The following NCR3LG1 variants were observed in gnomAD, a reference collection of about 807,000 sequenced individuals.
NCR3LG1 encodes natural cytotoxicity triggering receptor 3 ligand 1.
A neutral mutation model predicts 34.8 loss-of-function variants in NCR3LG1; 35 were observed. That is an observed-to-expected ratio of 1.01 (90% CI 0.77 to 1.33). The LOEUF is 1.33. Among genes scored for constraint, NCR3LG1 ranks in the 40% most tolerant of loss-of-function variants. The pLI is 0.00. For synonymous variants in NCR3LG1, 173 were observed against 163.6 expected (o/e 1.06, Z -0.44); for missense variants, 452 against 423.3 (o/e 1.07, Z -0.60).
At position 17,373,678 on chromosome 11, in the gene NCR3LG1, AT is replaced by A; in HGVS notation, c.*1167del. 6.6e-6 allele frequency: 1 copy of A among 152,370 alleles called. No individual in the cohort carries two copies. The highest frequency in any genetic ancestry group is 1.9e-4 in the East Asian group (1 of 5,194). The allele number at this position is 152,370 out of a possible 1,614,324, so 9.4% of individuals were successfully genotyped here. On this transcript the variant is annotated 3_prime_UTR_variant, in exon 5 of 5. Coordinates refer to ENST00000338965, the MANE Select transcript of NCR3LG1 (RefSeq NM_001202439.3). The stretch of plus-strand genomic sequence containing the variant: ...TCGTTCCTCCCATAGCACAACCATG[AT>A]GGGCATCTCAGGAAAGACTTTAACT...
rs573568268 is a variant in NCR3LG1, at chr11:17,372,688, C to T, written c.*176C>T. The T allele has an allele frequency of 2.6e-4, 145 of 550,742 alleles. 4 individuals carry two copies. In the South Asian group the frequency reaches 3.3e-3, roughly 12 times the overall value. The allele number at this position is 550,742 out of a possible 1,614,324, so 34.1% of individuals were successfully genotyped here. ...GGGGTGATGTTATGTTGCTCTTAAA[C>T]TCTTAACTACTACAGAGAAACAGGT... On this transcript the variant is annotated 3_prime_UTR_variant, in exon 5 of 5. Coordinates refer to ENST00000338965, the MANE Select transcript of NCR3LG1 (RefSeq NM_001202439.3).
chr11:17,377,999 G>A (rs1469689047), downstream of NCR3LG1, among the ~76,000 whole-genome samples: 2 of 152,132 alleles, frequency 1.3e-5, no homozygotes, highest in African/African-American at 2.4e-5. Context: ...CCATGGATAG[G>A]GGATTCTATA....
chr11:17,364,820 A>G (rs1485064923), intron 2 of NCR3LG1, among the ~76,000 whole-genome samples: 2 of 152,176 alleles, frequency 1.3e-5, no homozygotes, highest in East Asian at 3.9e-4. Context: ...TGCTGGGATT[A>G]TAGGTATGAG....
intron 4 of NCR3LG1, among the ~76,000 whole-genome samples, chr11:17,369,938 T>A (rs1198702745): frequency 6.6e-6 from 1 of 152,164 alleles, no homozygotes; most frequent in African/African-American, 2.4e-5. Flanking sequence ...AAAATCAAAC[T>A]GCAGATAAGG....
rs568368631 is a variant in NCR3LG1 at position 17,372,020 on chromosome 11, A to G, written c.873A>G (p.Ser291=). Residue 291 remains serine, a synonymous_variant, in exon 5 of 5, where the codon TCA becomes TCG. Transcript: ENST00000338965. ...TCTTTTTCTAGATATGTAACAAATC[A>G]TCTTCAGCCTATACTCCTCTCAAGT... The part of the protein sequence containing the change: ...LIPWKKICNK[S]SSAYTPLKCI... 5 of 699,250 alleles carry G rather than the reference A, an allele frequency of 7.2e-6. No individual in the cohort carries two copies. The highest frequency in any genetic ancestry group is 2.8e-4 in the Middle Eastern group (1 of 3,584). The allele number at this position is 699,250 out of a possible 1,614,324, so 43.3% of individuals were successfully genotyped here. A position where few individuals can be genotyped will look rare whatever the true frequency, so the allele number is the denominator to read the frequency against.
intron 1 of NCR3LG1, 135 bp downstream of exon 1, chr11:17,352,174 CTCCTTT>C: frequency 4.3e-6 from 2 of 470,420 alleles, no homozygotes; most frequent in East Asian, 3.9e-5. Context: ...TCTATTTCTT[CTCCTTT>C]TTTTTTTTTT....
In NCR3LG1 at chr11:17,352,177, C is replaced by CTT. The variant is rs34454730; in HGVS notation, c.70+158_70+159dup. On this transcript the variant is annotated intron_variant, in intron 1 of 4. Transcript: ENST00000338965. Reference sequence around the variant, plus strand: ...TCTATTTTCTTTTCTATTTCTTCTCCTTTTTTTTTTTTTTTTTTTTTGAGA... The same window carrying CTT: ...TCTATTTTCTTTTCTATTTCTTCTCCTTTTTTTTTTTTTTTTTTTTTTTGAGA... The CTT allele has an allele frequency of 4.3e-3, 1,268 of 291,884 alleles. 1 individual carries two copies. The highest frequency in any genetic ancestry group is 7.6e-3 in the South Asian group (189 of 24,990). The allele number at this position is 291,884 out of a possible 1,614,324, so 18.1% of individuals were successfully genotyped here. A position where few individuals can be genotyped will look rare whatever the true frequency, so the allele number is the denominator to read the frequency against.
Position 17,372,047 on chromosome 11 carries a change from C to T in NCR3LG1, c.900C>T (p.Cys300=), listed in dbSNP as rs539677481. Residue 300 remains cysteine, a synonymous_variant, in exon 5 of 5, where the codon TGC becomes TGT. Transcript: ENST00000338965. The part of the protein sequence containing the change: ...KSSSAYTPLK[C]ILKHWNSFDT... ...CTTCAGCCTATACTCCTCTCAAGTGCATTCTGAAACACTGGAACTCCTTTG... is the reference window on the plus strand; with the variant it reads ...CTTCAGCCTATACTCCTCTCAAGTGTATTCTGAAACACTGGAACTCCTTTG... The T allele has an allele frequency of 6.3e-5, 44 of 702,668 alleles. No homozygotes were observed. The South Asian group carries it at 6.5e-4, about 10-fold the overall frequency. 43.5% of individuals were successfully genotyped at this position (702,668 alleles called of 1,614,324 possible).
Position 17,372,721 on chromosome 11 carries a change from C to T in NCR3LG1, c.*209C>T, listed in dbSNP as rs1388538467. 1 of 502,838 alleles carries T rather than the reference C, an allele frequency of 2.0e-6. No homozygotes were observed. The highest frequency in any genetic ancestry group is 3.5e-6 in the Non-Finnish European group (1 of 286,328). 31.1% of individuals were successfully genotyped at this position (502,838 alleles called of 1,614,324 possible). A position where few individuals can be genotyped will look rare whatever the true frequency, so the allele number is the denominator to read the frequency against. ...TACTACAGAGAAACAGGTAGCCCTG[C>T]AGGCAGCAGAAAAATTCAGAGATGA... On this transcript the variant is annotated 3_prime_UTR_variant, in exon 5 of 5. Coordinates refer to ENST00000338965, the MANE Select transcript of NCR3LG1 (RefSeq NM_001202439.3).
At chr11:17,360,353 C>G (rs940187785) in intron 2 of NCR3LG1, among the ~76,000 whole-genome samples, 1 of 152,178 alleles carries the variant, frequency 6.6e-6, no homozygotes, top group Admixed American at 6.5e-5. Flanking sequence ...TTTTCATTCT[C>G]TTAACAATGT....
downstream of NCR3LG1, among the ~76,000 whole-genome samples, chr11:17,377,831 C>A (rs1953491069): frequency 1.3e-5 from 2 of 152,200 alleles, no homozygotes; most frequent in Admixed American, 6.5e-5. Flanking sequence ...ATGGCAGCAT[C>A]ATCTGGGGAC....
In NCR3LG1 at chr11:17,356,831, A is replaced by G; in HGVS notation, c.251A>G (p.Asp84Gly). The G allele has an allele frequency of 6.5e-7, 1 of 1,536,116 alleles. No individual in the cohort carries two copies. The highest frequency in any genetic ancestry group is 8.7e-7 in the Non-Finnish European group (1 of 1,146,900). ...GTCAAAGTCTTTGAATTTTTTGGAG[A>G]TCACCAAGAGGCATTCCGACCTGGA... ...KEVKVFEFFGDHQEAFRPGAI... is the reference protein window; with the variant it reads ...KEVKVFEFFGGHQEAFRPGAI... Residue 84 changes from aspartate (D) to glycine (G), a missense_variant, in exon 2 of 5, where the codon GAT becomes GGT. Asp to Gly is a moderately conservative substitution (Grantham distance 94). Coordinates refer to ENST00000338965, the MANE Select transcript of NCR3LG1 (RefSeq NM_001202439.3).
In NCR3LG1 at chr11:17,356,849, G is replaced by A. The variant is rs1274114898; in HGVS notation, c.269G>A (p.Arg90Gln). Residue 90 changes from arginine (R) to glutamine (Q), a missense_variant, in exon 2 of 5, where the codon CGA becomes CAA. Coordinates refer to ENST00000338965, the MANE Select transcript of NCR3LG1 (RefSeq NM_001202439.3). ...EFFGDHQEAF[R>Q]PGAIVSPWRL... ...TTTGGAGATCACCAAGAGGCATTCC[G>A]ACCTGGAGCCATTGTGTCTCCATGG... The A allele has an allele frequency of 5.2e-6, 8 of 1,536,026 alleles. No homozygotes were observed. In the African/African-American group the frequency reaches 8.2e-5, roughly 16 times the overall value.
At chr11:17,377,803 T>C (rs1953490812), downstream of NCR3LG1, among the ~76,000 whole-genome samples, 1 of 152,212 alleles carries the variant, frequency 6.6e-6, no homozygotes, top group African/African-American at 2.4e-5. Flanking sequence ...TGACCTGTTA[T>C]CTTTAAATTC....
At chr11:17,359,797 C>A (rs1953250679) in intron 2 of NCR3LG1, among the ~76,000 whole-genome samples, 1 of 151,870 alleles carries the variant, frequency 6.6e-6, no homozygotes. Context: ...CAGGCATGAA[C>A]CACCATACCC....
Position 17,368,859 on chromosome 11 carries a change from C to A in NCR3LG1, c.761-8C>A. 1 of 1,516,748 alleles carries A rather than the reference C, an allele frequency of 6.6e-7. No individual in the cohort carries two copies. Among genetic ancestry groups the A allele is most frequent in the Non-Finnish European group, 8.9e-7 (1 of 1,129,366 alleles). The allele number at this position is 1,516,748 out of a possible 1,614,324, so 94.0% of individuals were successfully genotyped here. A position where few individuals can be genotyped will look rare whatever the true frequency, so the allele number is the denominator to read the frequency against. Reference sequence around the variant, plus strand: ...TTTCCTGCTAATGTTTTCCTTCTCTCTCTGCAGAAACTGAGAAGACAGATA... The same window carrying A: ...TTTCCTGCTAATGTTTTCCTTCTCTATCTGCAGAAACTGAGAAGACAGATA... On this transcript the variant is annotated splice_region_variant and splice_polypyrimidine_tract_variant and intron_variant, in intron 3 of 4. Coordinates refer to ENST00000338965, the MANE Select transcript of NCR3LG1 (RefSeq NM_001202439.3).
In NCR3LG1 at chr11:17,374,850, T is replaced by G. The variant is rs1251948920; in HGVS notation, c.*2338T>G. ...ATTAATCAGTTAAAACAAGCCTTGCTTAAAGCACCAGCCCCCAGTCTTTCT... is the reference window on the plus strand; with the variant it reads ...ATTAATCAGTTAAAACAAGCCTTGCGTAAAGCACCAGCCCCCAGTCTTTCT... On this transcript the variant is annotated 3_prime_UTR_variant, in exon 5 of 5. Coordinates refer to ENST00000338965, the MANE Select transcript of NCR3LG1 (RefSeq NM_001202439.3). The G allele has an allele frequency of 6.6e-6, 1 of 152,152 alleles. No individual in the cohort carries two copies. The highest frequency in any genetic ancestry group is 1.5e-5 in the Non-Finnish European group (1 of 68,040). The allele number at this position is 152,152 out of a possible 1,614,324, so 9.4% of individuals were successfully genotyped here.
In NCR3LG1 at chr11:17,371,996, C is replaced by G. The variant is rs1953410403; in HGVS notation, c.859-10C>G. On this transcript the variant is annotated splice_polypyrimidine_tract_variant and intron_variant, in intron 4 of 4. Coordinates refer to ENST00000338965, the MANE Select transcript of NCR3LG1 (RefSeq NM_001202439.3). The stretch of plus-strand genomic sequence containing the variant: ...GACTAAGGGATGCCTTTTCTCTCCT[C>G]TTTTTCTAGATATGTAACAAATCAT... 2.9e-6 allele frequency: 2 copies of G among 694,450 alleles called. No homozygotes were observed. Among genetic ancestry groups the G allele is most frequent in the South Asian group, 1.5e-5 (1 of 67,046 alleles). The allele number at this position is 694,450 out of a possible 1,614,324, so 43.0% of individuals were successfully genotyped here. A position where few individuals can be genotyped will look rare whatever the true frequency, so the allele number is the denominator to read the frequency against.
At chr11:17,359,301 A>C (rs1434410165) in intron 2 of NCR3LG1, among the ~76,000 whole-genome samples, 1 of 152,138 alleles carries the variant, frequency 6.6e-6, no homozygotes, top group Non-Finnish European at 1.5e-5. Context: ...TACATTAAAC[A>C]TTTGTTCTTA....
Sources: allele counts gnomAD v4.1 joint callset (sites outside exome capture counted in the v4.1 genomes callset), GRCh38; gene constraint gnomAD v4.1.1; transcripts MANE v1.5; gene names NCBI Gene and HGNC (gene_info 2026-07-23, HGNC 2026-07-21).